UBN1: variants seen among roughly 807,000 people sequenced by gnomAD.
UBN1 encodes ubinuclein-1.
Under a neutral mutation model 108.5 loss-of-function variants are expected in UBN1, and 17 were observed. The ratio of observed to expected loss-of-function variants is 0.16; its 90% CI spans 0.11 to 0.24. The LOEUF is 0.24. UBN1 is among the 10% of genes least tolerant of loss of function. The pLI is 1.00. For missense variants in UBN1, 1,595 were observed against 1,394.4 expected, an observed-to-expected ratio of 1.14 and a Z score of -2.29; for synonymous variants, 726 against 564.2, an observed-to-expected ratio of 1.29 and a Z score of -4.07.
chr16:4,873,476 G>C (rs540999691), intron 14 of UBN1, among the ~76,000 whole-genome samples: 14 of 152,330 alleles, frequency 9.2e-5, no homozygotes, highest in African/African-American at 3.4e-4. Flanking sequence ...GGCAGAAATG[G>C]AGGGCAATAT....
At chr16:4,879,780 C>A (rs1477550704) in intron 17 of UBN1, among the ~76,000 whole-genome samples, 2 of 152,180 alleles carry the variant, frequency 1.3e-5, no homozygotes, top group African/African-American at 4.8e-5. Flanking sequence ...GGCCTCGCCT[C>A]AGGATGGCAA....
intron 12 of UBN1, among the ~76,000 whole-genome samples, chr16:4,871,866 G>A (rs757798625): frequency 6.6e-6 from 1 of 152,136 alleles, no homozygotes; most frequent in Non-Finnish European, 1.5e-5. Flanking sequence ...GATTACAGGC[G>A]TGAGCCACCA....
At chr16:4,873,527 T>C (rs1382056807) in intron 14 of UBN1, among the ~76,000 whole-genome samples, 1 of 152,220 alleles carries the variant, frequency 6.6e-6, no homozygotes, top group African/African-American at 2.4e-5. Context: ...ACCTTAGATG[T>C]TGCAGAAACC....
chr16:4,863,135 C>T lies in UBN1; in HGVS notation c.1110+2033C>T, dbSNP rs1006431277. 6.6e-5 allele frequency among the ~76,000 whole-genome samples: 10 copies of T among 152,116 alleles called. No individual in the cohort carries two copies. The South Asian group carries it at 8.3e-4, about 13-fold the overall frequency. ...TTCTAGTTGGATATTCTTTTCTAGC[C>T]TCTGTGTATATGTTTTTATGCAGCT... On this transcript the variant is annotated intron_variant, in intron 7 of 17. Coordinates refer to ENST00000262376, the MANE Select transcript of UBN1 (RefSeq NM_001079514.3).
In UBN1 at chr16:4,847,680, T is replaced by G; in HGVS notation, c.-570T>G. 5.4e-6 allele frequency: 1 copy of G among 183,616 alleles called. No homozygotes were observed. Among genetic ancestry groups the G allele is most frequent in the Non-Finnish European group, 1.1e-5 (1 of 88,884 alleles). 11.4% of individuals were successfully genotyped at this position (183,616 alleles called of 1,614,324 possible). ...GGTCCGGCGCGGGCCCCGGGGCCAT[T>G]CCCGAGCCCGAGGCGCTGGTCGGCC... On this transcript the variant is annotated 5_prime_UTR_variant, in exon 1 of 18. It adds an upstream start codon to the 5' untranslated region. Coordinates refer to ENST00000262376, the MANE Select transcript of UBN1 (RefSeq NM_001079514.3).
chr16:4,874,310 A>G lies in UBN1; in HGVS notation c.1900A>G (p.Ile634Val), dbSNP rs763518773. The G allele has an allele frequency of 2.5e-6, 4 of 1,614,144 alleles. No homozygotes were observed. In the East Asian group the frequency reaches 6.7e-5, roughly 27 times the overall value. ...AGATCACCAAACAGGAGGCCTGAGT[A>G]TTGGGGCCTCGAGCAGGGAGCTCCC... ...PSDHQTGGLSIGASSRELPSQ... is the reference protein window; with the variant it reads ...PSDHQTGGLSVGASSRELPSQ... The change falls in exon 15 of 18, where the codon ATT becomes GTT. Residue 634 changes from isoleucine (I) to valine (V), a missense_variant. Ile to Val is a conservative substitution (Grantham distance 29). Coordinates refer to ENST00000262376, the MANE Select transcript of UBN1 (RefSeq NM_001079514.3).
In UBN1 at chr16:4,874,899, C is replaced by G; in HGVS notation, c.2489C>G (p.Pro830Arg). ...CCATTTGCCAATAAGCTCCAAGGCC[C>G]AAAGGCTTCTCCCACACAGTGTCAT... is the stretch of plus-strand genomic sequence containing the variant. Reference protein sequence around the residue: ...PSPFANKLQGPKASPTQCHRS... With the variant: ...PSPFANKLQGRKASPTQCHRS... The change falls in exon 15 of 18, where the codon CCA becomes CGA. Residue 830 changes from proline to arginine, a missense_variant. Pro to Arg is a moderately radical substitution (Grantham distance 103). Around this residue, in one of 3 missense-constraint regions of UBN1, gnomAD observed 1,398 missense variants for 1,194.7 expected, o/e 1.17. Coordinates refer to ENST00000262376, the MANE Select transcript of UBN1 (RefSeq NM_001079514.3). 3 of 1,614,160 alleles carry G rather than the reference C, an allele frequency of 1.9e-6. No homozygotes were observed. Among genetic ancestry groups the G allele is most frequent in the East Asian group, 2.2e-5 (1 of 44,888 alleles).
intron 7 of UBN1, among the ~76,000 whole-genome samples, chr16:4,867,826 TC>T (rs1190690141): frequency 6.6e-6 from 1 of 152,092 alleles, no homozygotes. Context: ...ATCCCTTCAT[TC>T]TAGATAGTCA....
At position 4,868,836 on chromosome 16, in the gene UBN1, G is replaced by T. The variant is rs746545702; in HGVS notation, c.1114G>T (p.Ala372Ser). The part of the protein sequence containing the change: ...EKRVKELAQA[A>S]RAAEGESRQK... Reference sequence around the variant, plus strand: ...GTTACTGTCTGCTGTGCACCAGGCTGCCAGAGCTGCTGAGGGGGAGAGCAG... The same window carrying T: ...GTTACTGTCTGCTGTGCACCAGGCTTCCAGAGCTGCTGAGGGGGAGAGCAG... The change falls in exon 8 of 18, where the codon GCC becomes TCC. Residue 372 changes from alanine to serine, a missense_variant. By Grantham distance (99) the Ala-to-Ser change is moderately conservative. This residue lies in a region of UBN1 where 1,398 missense variants were observed against 1,194.7 expected (regional missense o/e 1.17). Coordinates refer to ENST00000262376, the MANE Select transcript of UBN1 (RefSeq NM_001079514.3). 12 of 1,613,804 alleles carry T rather than the reference G, an allele frequency of 7.4e-6. No homozygotes were observed. Among genetic ancestry groups the T allele is most frequent in the Non-Finnish European group, 9.3e-6 (11 of 1,179,814 alleles).
intron 17 of UBN1, among the ~76,000 whole-genome samples, chr16:4,879,754 T>A (rs542139320): frequency 5.3e-4 from 80 of 152,304 alleles, no homozygotes; most frequent in African/African-American, 1.8e-3. Flanking sequence ...CTGCCTTGAG[T>A]TCTGTGTGAT....
intron 1 of UBN1, among the ~76,000 whole-genome samples, chr16:4,851,960 G>A (rs2086579567): frequency 6.6e-6 from 1 of 152,192 alleles, no homozygotes; most frequent in African/African-American, 2.4e-5. Flanking sequence ...AATAATTTAT[G>A]TATAATATCA....
chr16:4,868,735 G>C, intron 7 of UBN1, 98 bp from the exon 8 acceptor site: 1 of 1,181,372 alleles, frequency 8.5e-7, no homozygotes, highest in Admixed American at 2.1e-5. Flanking sequence ...GTATTGACAG[G>C]TGCTCTTTAT....
chr16:4,869,350 G>GTGC (rs1555513740), intron 8 of UBN1, among the ~76,000 whole-genome samples: 1 of 152,240 alleles, frequency 6.6e-6, no homozygotes, highest in Non-Finnish European at 1.5e-5. Flanking sequence ...CTAGTGCCAC[G>GTGC]TGCATCATCC....
At chr16:4,870,416 C>T (rs1389045281) in intron 9 of UBN1, 75 bp downstream of exon 9, 26 of 1,607,968 alleles carry the variant, frequency 1.6e-5, no homozygotes, top group Middle Eastern at 1.6e-4. Context: ...AGCAATGATG[C>T]GTCTGCTGCC....
chr16:4,859,776 G>C lies in UBN1; in HGVS notation c.568-89G>C, dbSNP rs80321062. The C allele has an allele frequency of 7.8e-3, 12,268 of 1,570,004 alleles. 788 individuals carry two copies. In the African/African-American group the frequency reaches 0.15, roughly 19 times the overall value. ...GGAAATGAGACAGGTCTCAGGATGT[G>C]CCCCGGGCGGAGCAAGGCCAGTGCC... On this transcript the variant is annotated intron_variant, in intron 5 of 17. Transcript: ENST00000262376.
At chr16:4,868,969 G>T (rs964535669) in intron 8 of UBN1, 66 bp downstream of exon 8, 29 of 1,566,602 alleles carry the variant, frequency 1.9e-5, no homozygotes, top group Non-Finnish European at 2.5e-5. Context: ...GGGCAAGCCA[G>T]CTAGGGGACA....
Position 4,874,872 on chromosome 16 carries a change from C to G in UBN1, c.2462C>G (p.Ser821Cys), listed in dbSNP as rs1371731569. 6.2e-7 allele frequency: 1 copy of G among 1,614,112 alleles called. No homozygotes were observed. Among genetic ancestry groups the G allele is most frequent in the African/African-American group, 1.3e-5 (1 of 75,070 alleles). The change falls in exon 15 of 18, where the codon TCT becomes TGT. Residue 821 changes from serine to cysteine, a missense_variant. Ser to Cys is a moderately radical substitution (Grantham distance 112, BLOSUM62 -1). Coordinates refer to ENST00000262376, the MANE Select transcript of UBN1 (RefSeq NM_001079514.3). ...TQQQKNFTPP[S>C]PFANKLQGPK... ...CAGCAGAAAAACTTCACGCCCCCAT[C>G]TCCATTTGCCAATAAGCTCCAAGGC...
Position 4,880,068 on chromosome 16 carries a change from C to G in UBN1, c.3356-15C>G, listed in dbSNP as rs1416931938. ...ATGAAAAACTTGCGTTCTAATTTTTCTTACTCTTTTCCAGGTGCTTCTCAG... is the reference window on the plus strand; with the variant it reads ...ATGAAAAACTTGCGTTCTAATTTTTGTTACTCTTTTCCAGGTGCTTCTCAG... On this transcript the variant is annotated splice_polypyrimidine_tract_variant and intron_variant, in intron 17 of 17. Transcript: ENST00000262376. 2 of 1,613,860 alleles carry G rather than the reference C, an allele frequency of 1.2e-6. No homozygotes were observed. Among genetic ancestry groups the G allele is most frequent in the East Asian group, 4.5e-5 (2 of 44,894 alleles).
chr16:4,856,691 A>C (rs2142143817), intron 2 of UBN1, among the ~76,000 whole-genome samples: 1 of 152,348 alleles, frequency 6.6e-6, no homozygotes, highest in South Asian at 2.1e-4. Flanking sequence ...TGCTGTTGGC[A>C]AGGCGTTCAG....
Sources: allele counts gnomAD v4.1 joint callset (sites outside exome capture counted in the v4.1 genomes callset), GRCh38; gene constraint gnomAD v4.1.1; regional missense constraint gnomAD v4.1.1; transcripts MANE v1.5; gene names NCBI Gene and HGNC (gene_info 2026-07-23, HGNC 2026-07-21).